The following CNTNAP2 variants were observed in gnomAD, a reference collection of about 807,000 sequenced individuals.
CNTNAP2 encodes contactin associated protein 2.
Under a neutral mutation model 155.2 loss-of-function variants are expected in CNTNAP2, and 98 were observed. The observed-to-expected ratio is 0.63, with a 90% CI of 0.54 to 0.75. The LOEUF (loss-of-function observed/expected upper bound fraction) is 0.75. Among genes scored for constraint, CNTNAP2 ranks in the 30% least tolerant of loss-of-function variants. The pLI, the probability that CNTNAP2 is intolerant of heterozygous loss-of-function variation, is 0.00. For missense variants in CNTNAP2, 1,727 were observed against 1,688.1 expected (o/e 1.02, Z -0.40); for synonymous variants, 651 against 631.2 (o/e 1.03, Z -0.47).
chr7:147,034,064 C>G (rs1799097868), intron 3 of CNTNAP2, among the ~76,000 whole-genome samples: 1 of 152,126 alleles, frequency 6.6e-6, no homozygotes, highest in African/African-American at 2.4e-5. Context: ...AAATAAGGGC[C>G]AGGTAATTCA....
chr7:146,804,887 G>C (rs567923799), intron 2 of CNTNAP2, among the ~76,000 whole-genome samples: 87 of 152,304 alleles, frequency 5.7e-4, no homozygotes, highest in Non-Finnish European at 9.3e-4. Flanking sequence ...AGTAAGTTCA[G>C]GGAGGCTTTC....
chr7:148,147,586 C>A lies in CNTNAP2; in HGVS notation c.2650C>A (p.Arg884=). Residue 884 remains arginine (R), a synonymous_variant, in exon 17 of 24, where the codon CGG becomes AGG. Transcript: ENST00000361727. The stretch of plus-strand genomic sequence containing the variant: ...CCCTCTCAACGATGACCAGTGGCAC[C>A]GGGTCACTGCAGAGAGGAATGTCAA... The part of the protein sequence containing the change: ...PTPLNDDQWH[R]VTAERNVKQA... The A allele has an allele frequency of 6.2e-7, 1 of 1,614,016 alleles. No individual in the cohort carries two copies. Among genetic ancestry groups the A allele is most frequent in the Non-Finnish European group, 8.5e-7 (1 of 1,180,004 alleles).
intron 3 of CNTNAP2, among the ~76,000 whole-genome samples, chr7:146,889,014 T>G (rs948334664): frequency 2.0e-5 from 3 of 151,940 alleles, no homozygotes; most frequent in Non-Finnish European, 4.4e-5. Context: ...GATACACACA[T>G]GCACACACAG....
chr7:146,914,231 A>G (rs1796347854), intron 3 of CNTNAP2, among the ~76,000 whole-genome samples: 1 of 151,836 alleles, frequency 6.6e-6, no homozygotes, highest in African/African-American at 2.4e-5. Flanking sequence ...TTCCATTTTT[A>G]ATTGTGAATG....
At chr7:148,070,513 T>G (rs1250240785) in intron 15 of CNTNAP2, among the ~76,000 whole-genome samples, 1 of 152,160 alleles carries the variant, frequency 6.6e-6, no homozygotes, top group Admixed American at 6.5e-5. Flanking sequence ...GGTCAGGAGT[T>G]TGAGACCAGC....
At chr7:147,717,464 G>A (rs1322427882) in intron 13 of CNTNAP2, among the ~76,000 whole-genome samples, 1 of 151,988 alleles carries the variant, frequency 6.6e-6, no homozygotes, top group Non-Finnish European at 1.5e-5. Context: ...CATGGAAATG[G>A]GAACCAGATT....
At chr7:147,093,191 A>G (rs2129273971) in intron 4 of CNTNAP2, among the ~76,000 whole-genome samples, 1 of 147,910 alleles carries the variant, frequency 6.8e-6, no homozygotes, top group East Asian at 2.0e-4. Context: ...CAGTGAGCTG[A>G]GATCGCACCA....
chr7:148,278,765 T>C (rs1203690923), intron 21 of CNTNAP2, among the ~76,000 whole-genome samples: 1 of 152,194 alleles, frequency 6.6e-6, no homozygotes, highest in Non-Finnish European at 1.5e-5. Flanking sequence ...ATATAAATGT[T>C]AGCAATAAGT....
intron 3 of CNTNAP2, among the ~76,000 whole-genome samples, chr7:146,944,146 ATATAT>A (rs1797109108): frequency 6.6e-6 from 1 of 151,112 alleles, no homozygotes; most frequent in Non-Finnish European, 1.5e-5. Context: ...GAGTATCAAC[ATATAT>A]TTTATATGTT....
chr7:146,789,605 A>AT, intron 2 of CNTNAP2, among the ~76,000 whole-genome samples: 1 of 151,862 alleles, frequency 6.6e-6, no homozygotes, highest in East Asian at 1.9e-4. Context: ...CAGGCAAAAA[A>AT]AAAAAAGACA....
At chr7:146,687,659 T>C (rs1800625297) in intron 1 of CNTNAP2, among the ~76,000 whole-genome samples, 1 of 152,158 alleles carries the variant, frequency 6.6e-6, no homozygotes, top group Non-Finnish European at 1.5e-5. Flanking sequence ...ATCAGATCAT[T>C]TCATTTTCAG....
At chr7:147,750,403 G>A (rs1797114722) in intron 13 of CNTNAP2, among the ~76,000 whole-genome samples, 3 of 152,132 alleles carry the variant, frequency 2.0e-5, no homozygotes, top group Non-Finnish European at 4.4e-5. Context: ...CTCATTTGGA[G>A]AACATTGGGT....
At chr7:148,308,476 G>T (rs1317430345) in intron 21 of CNTNAP2, among the ~76,000 whole-genome samples, 1 of 151,944 alleles carries the variant, frequency 6.6e-6, no homozygotes, top group Non-Finnish European at 1.5e-5. Flanking sequence ...TTTTTAAAAA[G>T]TAGATCCAAT....
chr7:148,210,492 A>C (rs1329922335), intron 18 of CNTNAP2, among the ~76,000 whole-genome samples: 1 of 152,206 alleles, frequency 6.6e-6, no homozygotes, highest in Non-Finnish European at 1.5e-5. Flanking sequence ...ATTCCAATCC[A>C]AGAAGGCCAC....
intron 3 of CNTNAP2, among the ~76,000 whole-genome samples, chr7:146,988,383 A>T (rs1584768297): frequency 6.6e-6 from 1 of 152,102 alleles, no homozygotes; most frequent in Non-Finnish European, 1.5e-5. Flanking sequence ...TTATTTTCAG[A>T]TCGTAATTAG....
intron 1 of CNTNAP2, among the ~76,000 whole-genome samples, chr7:146,543,873 CTTAT>C (rs1465934740): frequency 3.3e-5 from 5 of 151,822 alleles, no homozygotes; most frequent in Admixed American, 3.3e-4. Context: ...TAGATTCTTA[CTTAT>C]TTATTCATTC....
In CNTNAP2 at chr7:147,639,754, C is replaced by A. The variant is rs1226131482; in HGVS notation, c.2098+448C>A. Reference sequence around the variant, plus strand: ...TCTTCCCAGTAGTTGCTTCACAGTACCTGTTTGTCTCAAGAAGTCTAGCCT... The same window carrying A: ...TCTTCCCAGTAGTTGCTTCACAGTAACTGTTTGTCTCAAGAAGTCTAGCCT... On this transcript the variant is annotated intron_variant, in intron 13 of 23. Coordinates refer to ENST00000361727, the MANE Select transcript of CNTNAP2 (RefSeq NM_014141.6). 2.6e-5 allele frequency among the ~76,000 whole-genome samples: 4 copies of A among 152,284 alleles called. No homozygotes were observed. In the East Asian group the frequency reaches 7.7e-4, roughly 29 times the overall value.
chr7:146,930,013 C>A (rs1273461310), intron 3 of CNTNAP2, among the ~76,000 whole-genome samples: 15 of 152,150 alleles, frequency 9.9e-5, no homozygotes, highest in Admixed American at 9.8e-4. Flanking sequence ...GGAAAACACT[C>A]TGCAGGATAT....
Position 147,523,944 on chromosome 7 carries a change from C to T in CNTNAP2, c.1777+37903C>T, listed in dbSNP as rs917244508. Among the ~76,000 whole-genome samples, 36 of 152,208 alleles carry T rather than the reference C, an allele frequency of 2.4e-4. 1 individual carries two copies. The highest frequency in any genetic ancestry group is 7.3e-5 in the Non-Finnish European group (5 of 68,040). ...GCAATATTTAAGCACGGAGGTCAAACAGTTTCCTCCGTTTGGGAACTTGAT... is the reference window on the plus strand; with the variant it reads ...GCAATATTTAAGCACGGAGGTCAAATAGTTTCCTCCGTTTGGGAACTTGAT... On this transcript the variant is annotated intron_variant, in intron 11 of 23. Transcript: ENST00000361727.
Sources: gnomAD v4.1 joint callset for allele counts (sites outside exome capture counted in the v4.1 genomes callset) on GRCh38, gnomAD v4.1.1 for gene constraint, MANE v1.5 for transcripts, NCBI Gene and HGNC (gene_info 2026-07-23, HGNC 2026-07-21) for gene names.